Variants in TMC1 observed in about 807,000 individuals in gnomAD.
The protein encoded by TMC1 is transmembrane channel like 1.
TMC1 carries 84 observed loss-of-function variants against 105.8 expected under a neutral mutation model. The observed-to-expected ratio is 0.79, with a 90% CI of 0.67 to 0.95. The LOEUF (loss-of-function observed/expected upper bound fraction) is 0.95. Ranked by LOEUF, TMC1 falls within the 40% of genes least tolerant of loss-of-function variation. The pLI, the probability that TMC1 is intolerant of heterozygous loss-of-function variation, is 0.00. For synonymous variants in TMC1, 315 were observed against 311.5 expected, an observed-to-expected ratio of 1.01 and a Z score of -0.12; for missense variants, 817 against 914.1, an observed-to-expected ratio of 0.89 and a Z score of 1.37.
Position 72,792,351 on chromosome 9 carries a change from A to C in TMC1, c.1565A>C (p.Gln522Pro), listed in dbSNP as rs1313886386. Reference sequence around the variant, plus strand: ...CCTTGCTGGGAAACAATGGTGGGACAGGTAATGCCACCAACAGAAGTGTAT... The same window carrying C: ...CCTTGCTGGGAAACAATGGTGGGACCGGTAATGCCACCAACAGAAGTGTAT... ...RGPCWETMVGQEFVRLTVSDV... is the reference protein window; with the variant it reads ...RGPCWETMVGPEFVRLTVSDV... Residue 522 changes from glutamine (Q) to proline (P), a missense_variant and splice_region_variant, in exon 17 of 24, where the codon CAG becomes CCG. Gln to Pro is a moderately conservative substitution (Grantham distance 76, BLOSUM62 -1). Transcript: ENST00000297784. The C allele has an allele frequency of 6.2e-7, 1 of 1,614,020 alleles. No individual in the cohort carries two copies. The highest frequency in any genetic ancestry group is 8.5e-7 in the Non-Finnish European group (1 of 1,179,980).
chr9:72,810,886 G>A (rs2118261580), intron 18 of TMC1, among the ~76,000 whole-genome samples: 1 of 152,222 alleles, frequency 6.6e-6, no homozygotes, highest in South Asian at 2.1e-4. Flanking sequence ...CATAGTGGAT[G>A]TACAAATTAT....
chr9:72,685,909 G>T (rs1826372886), intron 5 of TMC1, among the ~76,000 whole-genome samples: 1 of 152,132 alleles, frequency 6.6e-6, no homozygotes, highest in Non-Finnish European at 1.5e-5. Flanking sequence ...TGGCCACTTG[G>T]TCACTGTGTT....
Position 72,788,389 on chromosome 9 carries a change from A to T in TMC1, c.935A>T (p.Asn312Ile). The stretch of plus-strand genomic sequence containing the variant: ...GGAGGTGGAGATGACAACACTTTCA[A>T]TTTCAGCTGGAAGGTCTTTACCAGC... Reference protein sequence around the residue: ...DDGGGDDNTFNFSWKVFTSWD... With the variant: ...DDGGGDDNTFIFSWKVFTSWD... The change falls in exon 14 of 24, where the codon AAT becomes ATT. Residue 312 changes from asparagine (N) to isoleucine (I), a missense_variant. Physicochemically the swap from Asn to Ile is moderately radical, Grantham distance 149 (BLOSUM62 -3). Coordinates refer to ENST00000297784, the MANE Select transcript of TMC1 (RefSeq NM_138691.3). 2 of 1,614,040 alleles carry T rather than the reference A, an allele frequency of 1.2e-6. No individual in the cohort carries two copies. Among genetic ancestry groups the T allele is most frequent in the Non-Finnish European group, 1.7e-6 (2 of 1,179,948 alleles).
chr9:72,810,499 GATTA>G (rs1268902176), intron 18 of TMC1, among the ~76,000 whole-genome samples: 4 of 152,086 alleles, frequency 2.6e-5, no homozygotes, highest in Admixed American at 1.3e-4. Flanking sequence ...CCACTAATGA[GATTA>G]ATTATTTGGA....
At chr9:72,692,374 T>A (rs1313093654) in intron 6 of TMC1, among the ~76,000 whole-genome samples, 3 of 152,114 alleles carry the variant, frequency 2.0e-5, no homozygotes, top group African/African-American at 7.2e-5. Flanking sequence ...TGTGTCAGAT[T>A]TTTCTACCAG....
chr9:72,524,128 G>A (rs892119453), intron 1 of TMC1, among the ~76,000 whole-genome samples: 9 of 152,118 alleles, frequency 5.9e-5, no homozygotes, highest in African/African-American at 2.2e-4. Context: ...TCTTCACCTA[G>A]CCTGAAATCA....
intron 13 of TMC1, among the ~76,000 whole-genome samples, chr9:72,779,544 A>G (rs1424017022): frequency 1.3e-5 from 2 of 152,220 alleles, no homozygotes; most frequent in African/African-American, 2.4e-5. Flanking sequence ...GAGCTGAAAG[A>G]CAAAATAGTC....
In TMC1 at chr9:72,788,492, A is replaced by G; in HGVS notation, c.1029+9A>G. ...TCACAATGAACTTTAAGGTAGAGGC[A>G]CCAACTTCAAAAACCTGCTGTTTGT... On this transcript the variant is annotated intron_variant, in intron 14 of 23. Coordinates refer to ENST00000297784, the MANE Select transcript of TMC1 (RefSeq NM_138691.3). The G allele has an allele frequency of 1.9e-6, 3 of 1,613,972 alleles. No homozygotes were observed. The highest frequency in any genetic ancestry group is 2.5e-6 in the Non-Finnish European group (3 of 1,179,838).
At chr9:72,625,574 G>A (rs1825332679) in intron 3 of TMC1, among the ~76,000 whole-genome samples, 1 of 151,918 alleles carries the variant, frequency 6.6e-6, no homozygotes, top group Non-Finnish European at 1.5e-5. Flanking sequence ...TATAGTCCCA[G>A]CTACTCAGGA....
rs375574200 is a variant in TMC1 at position 72,629,843 on chromosome 9, T to G, written c.-53+1780T>G. 2.3e-3 allele frequency among the ~76,000 whole-genome samples: 354 copies of G among 152,204 alleles called. 2 individuals carry two copies. Among genetic ancestry groups the G allele is most frequent in the African/African-American group, 8.4e-3 (347 of 41,542 alleles). On this transcript the variant is annotated intron_variant, in intron 4 of 23. Coordinates refer to ENST00000297784, the MANE Select transcript of TMC1 (RefSeq NM_138691.3). ...TGTCTCAATATGATAGATATTTTCC[T>G]TCTGTTTTGGGGTATCTGTCTTTTT...
At chr9:72,591,818 C>T (rs1399744082) in intron 2 of TMC1, among the ~76,000 whole-genome samples, 1 of 152,170 alleles carries the variant, frequency 6.6e-6, no homozygotes, top group Non-Finnish European at 1.5e-5. Context: ...AAGCCTCTCT[C>T]CTTGGCCTCC....
At chr9:72,786,773 G>C (rs1828174392) in intron 13 of TMC1, among the ~76,000 whole-genome samples, 6 of 152,058 alleles carry the variant, frequency 3.9e-5, no homozygotes, top group Admixed American at 3.9e-4. Context: ...TTTCCCACAT[G>C]TTAGATGTTC....
At chr9:72,613,132 ATTTTTTT>A (rs10552822) in intron 2 of TMC1, among the ~76,000 whole-genome samples, 1 of 137,980 alleles carries the variant, frequency 7.2e-6, no homozygotes, top group Non-Finnish European at 1.6e-5. Context: ...CAGAAATGTG[ATTTTTTT>A]TTTTTTTTTT....
intron 4 of TMC1, among the ~76,000 whole-genome samples, chr9:72,644,497 C>T (rs1490802484): frequency 6.6e-6 from 1 of 151,910 alleles, no homozygotes; most frequent in Non-Finnish European, 1.5e-5. Flanking sequence ...TGTTCCAGCA[C>T]TATTTATTGA....
At chr9:72,793,090 G>A (rs182607187) in intron 17 of TMC1, among the ~76,000 whole-genome samples, 24 of 152,248 alleles carry the variant, frequency 1.6e-4, no homozygotes, top group African/African-American at 4.8e-4. Context: ...CCTTCAGTCC[G>A]ACACACAGAG....
At position 72,791,696 on chromosome 9, in the gene TMC1, C is replaced by G. The variant is rs142519449; in HGVS notation, c.1225-190C>G. 6.4e-3 allele frequency among the ~76,000 whole-genome samples: 973 copies of G among 152,264 alleles called. 4 individuals are homozygous for G. Among genetic ancestry groups the G allele is most frequent in the Non-Finnish European group, 9.1e-3 (618 of 68,024 alleles). ...TACACACACTCAGTCACATGCCTCT[C>G]TTGAGAATGTGAATTGAATATTTTC... is the stretch of plus-strand genomic sequence containing the variant. On this transcript the variant is annotated intron_variant, in intron 15 of 23. Coordinates refer to ENST00000297784, the MANE Select transcript of TMC1 (RefSeq NM_138691.3).
chr9:72,823,153 G>A (rs1828901799), intron 20 of TMC1, among the ~76,000 whole-genome samples: 1 of 152,142 alleles, frequency 6.6e-6, no homozygotes, highest in African/African-American at 2.4e-5. Context: ...GGAGTACTGG[G>A]AAGGGTTATC....
At chr9:72,576,842 G>T (rs915022826) in intron 1 of TMC1, among the ~76,000 whole-genome samples, 5 of 151,652 alleles carry the variant, frequency 3.3e-5, no homozygotes, top group African/African-American at 4.8e-5. Context: ...TGTTGGCCAG[G>T]GTGGTCTGGA....
intron 17 of TMC1, among the ~76,000 whole-genome samples, chr9:72,793,307 G>A (rs1346820514): frequency 2.0e-5 from 3 of 152,252 alleles, no homozygotes; most frequent in African/African-American, 7.2e-5. Flanking sequence ...CTCACAGAAT[G>A]AAACCCACTG....
Sources: gnomAD v4.1 joint callset for allele counts (sites outside exome capture counted in the v4.1 genomes callset) on GRCh38, gnomAD v4.1.1 for gene constraint, MANE v1.5 for transcripts, NCBI Gene and HGNC (gene_info 2026-07-23, HGNC 2026-07-21) for gene names.